MAD1L1: variants seen among roughly 807,000 people sequenced by gnomAD.
MAD1L1 encodes the protein mitotic arrest deficient 1 like 1.
A neutral mutation model predicts 96.9 loss-of-function variants in MAD1L1; 95 were observed. The ratio of observed to expected loss-of-function variants is 0.98; its 90% CI spans 0.83 to 1.16. MAD1L1 has a LOEUF of 1.16. MAD1L1 is among the 50% of genes most tolerant of loss of function. The pLI is 0.00. For synonymous variants in MAD1L1, 473 were observed against 396.6 expected (o/e 1.19, Z -2.29); for missense variants, 1,007 against 954.4 (o/e 1.06, Z -0.73).
intron 17 of MAD1L1, among the ~76,000 whole-genome samples, chr7:1,910,082 G>A (rs1787919952): frequency 6.6e-6 from 1 of 152,148 alleles, no homozygotes; most frequent in Non-Finnish European, 1.5e-5. Flanking sequence ...TTACGGGGTG[G>A]GAGAGTCCTG....
At chr7:2,029,636 T>C (rs1783131698) in intron 12 of MAD1L1, among the ~76,000 whole-genome samples, 1 of 152,178 alleles carries the variant, frequency 6.6e-6, no homozygotes, top group Non-Finnish European at 1.5e-5. Context: ...AAGTCCCATT[T>C]ACAAACAGCT....
At chr7:2,150,930 G>A (rs768776080) in intron 10 of MAD1L1, among the ~76,000 whole-genome samples, 2 of 152,224 alleles carry the variant, frequency 1.3e-5, no homozygotes, top group African/African-American at 4.8e-5. Context: ...GACCCCATCT[G>A]TCCTCACACA....
chr7:2,159,119 G>A (rs1271105669), intron 10 of MAD1L1, among the ~76,000 whole-genome samples: 2 of 152,178 alleles, frequency 1.3e-5, no homozygotes, highest in African/African-American at 4.8e-5. Flanking sequence ...AGGCCTGGCT[G>A]CTCCACCACT....
chr7:2,180,949 A>C (rs1258241702), intron 10 of MAD1L1, among the ~76,000 whole-genome samples: 1 of 152,198 alleles, frequency 6.6e-6, no homozygotes, highest in East Asian at 1.9e-4. Context: ...GAAGTGGAGA[A>C]AGCACGTATC....
Position 2,118,957 on chromosome 7 carries a change from G to A in MAD1L1, c.1073+30195C>T, listed in dbSNP as rs556616461. 7.2e-5 allele frequency among the ~76,000 whole-genome samples: 11 copies of A among 152,240 alleles called. No homozygotes were observed. The East Asian group carries it at 1.9e-3, about 27-fold the overall frequency. On this transcript the variant is annotated intron_variant, in intron 11 of 18. Transcript: ENST00000265854. ...ACCTGCAGTGCAGACCTGGAGCTGA[G>A]ACGTCCTCCATCAAGGCCAAAAGCT...
intron 10 of MAD1L1, among the ~76,000 whole-genome samples, chr7:2,167,608 G>C (rs1331329687): frequency 6.6e-6 from 1 of 151,950 alleles, no homozygotes; most frequent in African/African-American, 2.4e-5. Flanking sequence ...GTGGGCACCT[G>C]TAATCCAGCT....
rs186401731 is a variant in MAD1L1 at position 1,830,125 on chromosome 7, G to A, written c.1999-13897C>T. On this transcript the variant is annotated intron_variant, in intron 18 of 18. Transcript: ENST00000265854. ...AGGGGCTTACACAACAGGCCAGGCC[G>A]GTGGCTCACGCCTGTAATCCCAGCA... Among the ~76,000 whole-genome samples, 434 of 152,334 alleles carry A rather than the reference G, an allele frequency of 2.8e-3. 2 individuals carry two copies. Among genetic ancestry groups the A allele is most frequent in the African/African-American group, 9.4e-3 (390 of 41,570 alleles).
At chr7:2,174,482 A>G (rs1022053437) in intron 10 of MAD1L1, among the ~76,000 whole-genome samples, 3 of 152,190 alleles carry the variant, frequency 2.0e-5, no homozygotes, top group African/African-American at 7.2e-5. Flanking sequence ...ATGACGCTCA[A>G]GAGAGGGTTT....
intron 18 of MAD1L1, among the ~76,000 whole-genome samples, chr7:1,835,406 G>A (rs557083487): frequency 6.6e-6 from 1 of 152,324 alleles, no homozygotes; most frequent in African/African-American, 2.4e-5. Flanking sequence ...ATTGTCTAAG[G>A]AGAAAATCCC....
chr7:2,229,983 C>T lies in MAD1L1; in HGVS notation c.150+1G>A, dbSNP rs768356503. On this transcript the variant is annotated splice_donor_variant, in intron 3 of 18. Transcript: ENST00000265854. LOFTEE classifies it high-confidence loss of function. ...CTCCCACCCAGGCACATGCCACTCA[C>T]CTGCATGCTCTGCTGGTACTGCATC... is the stretch of plus-strand genomic sequence containing the variant. 3 of 1,612,320 alleles carry T rather than the reference C, an allele frequency of 1.9e-6. No homozygotes were observed. The highest frequency in any genetic ancestry group is 2.5e-6 in the Non-Finnish European group (3 of 1,179,978).
Position 2,061,585 on chromosome 7 carries a change from C to A in MAD1L1, c.1218+7609G>T, listed in dbSNP as rs1584227141. Among the ~76,000 whole-genome samples, 3 of 152,320 alleles carry A rather than the reference C, an allele frequency of 2.0e-5. No individual in the cohort carries two copies. In the South Asian group the frequency reaches 6.2e-4, roughly 32 times the overall value. ...GGGACCAGCACCATCCACACCCCAA[C>A]AGGAGTGCCACCTGGCACAGTAACT... On this transcript the variant is annotated intron_variant, in intron 12 of 18. Transcript: ENST00000265854.
At chr7:1,958,957 A>C (rs1241323364) in intron 15 of MAD1L1, among the ~76,000 whole-genome samples, 1 of 152,194 alleles carries the variant, frequency 6.6e-6, no homozygotes, top group Non-Finnish European at 1.5e-5. Flanking sequence ...AACTATCAAA[A>C]ACAAAACACA....
chr7:2,087,304 G>A (rs544627169), intron 11 of MAD1L1, among the ~76,000 whole-genome samples: 21 of 152,294 alleles, frequency 1.4e-4, no homozygotes, highest in African/African-American at 5.1e-4. Flanking sequence ...CTTCGGGAGG[G>A]TGAGGCGGAC....
At chr7:2,229,922 A>T in intron 3 of MAD1L1, 62 bp downstream of exon 3, 10 of 1,556,978 alleles carry the variant, frequency 6.4e-6, no homozygotes, top group Non-Finnish European at 8.7e-6. Flanking sequence ...AGACTGGAAG[A>T]GGTCCTGCCC....
At chr7:2,189,763 G>A (rs1277768422) in intron 10 of MAD1L1, among the ~76,000 whole-genome samples, 1 of 152,164 alleles carries the variant, frequency 6.6e-6, no homozygotes, top group East Asian at 1.9e-4. Flanking sequence ...CTACTGAACT[G>A]TACACTTAAA....
At chr7:1,844,491 G>C (rs368041944) in intron 18 of MAD1L1, among the ~76,000 whole-genome samples, 2 of 152,150 alleles carry the variant, frequency 1.3e-5, no homozygotes, top group African/African-American at 2.4e-5. Context: ...CCCGCTGAAG[G>C]AGCTTGACAC....
At chr7:1,889,346 G>C (rs1786392553) in intron 18 of MAD1L1, among the ~76,000 whole-genome samples, 1 of 152,356 alleles carries the variant, frequency 6.6e-6, no homozygotes, top group African/African-American at 2.4e-5. Context: ...CTGGGGGATG[G>C]CGTGGCTGGT....
In MAD1L1 at chr7:2,227,685, G is replaced by A. The variant is rs530226026; in HGVS notation, c.151-2135C>T. Among the ~76,000 whole-genome samples the A allele has an allele frequency of 2.6e-5, 4 of 152,334 alleles. No homozygotes were observed. The East Asian group carries it at 7.7e-4, about 29-fold the overall frequency. ...ACACTTCCTTTACTCCTATGTTACTGTGTCTCGATTCTCAGCTGCTGCTGT... is the reference window on the plus strand; with the variant it reads ...ACACTTCCTTTACTCCTATGTTACTATGTCTCGATTCTCAGCTGCTGCTGT... On this transcript the variant is annotated intron_variant, in intron 3 of 18. Coordinates refer to ENST00000265854, the MANE Select transcript of MAD1L1 (RefSeq NM_001013836.2).
At chr7:1,829,119 C>T (rs751116026) in intron 18 of MAD1L1, among the ~76,000 whole-genome samples, 16 of 152,344 alleles carry the variant, frequency 1.1e-4, no homozygotes, top group Middle Eastern at 3.4e-3. Context: ...TGTGGGGCGA[C>T]GTCACATGGC....
Sources: gnomAD v4.1 joint callset for allele counts (sites outside exome capture counted in the v4.1 genomes callset) on GRCh38, gnomAD v4.1.1 for gene constraint, MANE v1.5 for transcripts, NCBI Gene and HGNC (gene_info 2026-07-23, HGNC 2026-07-21) for gene names.